NRXN1: variants seen among roughly 807,000 people sequenced by gnomAD.
NRXN1 encodes neurexin 1, also known as neurexin-1.
A neutral mutation model predicts 150.9 loss-of-function variants in NRXN1; 39 were observed. The ratio of observed to expected loss-of-function variants is 0.26; its 90% CI spans 0.20 to 0.34. The LOEUF (loss-of-function observed/expected upper bound fraction) is 0.34. Ranked by LOEUF, NRXN1 falls within the 10% of genes least tolerant of loss-of-function variation. The pLI is 1.00. For missense variants in NRXN1, 1,815 were observed against 1,949.9 expected (o/e 0.93, Z 1.30); for synonymous variants, 924 against 757.0 (o/e 1.22, Z -3.62).
At chr2:50,167,597 GAGGAAAA>G (rs1446899543) in intron 18 of NRXN1, among the ~76,000 whole-genome samples, 2 of 150,690 alleles carry the variant, frequency 1.3e-5, no homozygotes, top group Admixed American at 6.6e-5. Context: ...CCCAATTCAT[GAGGAAAA>G]AGAACAAGTA....
intron 5 of NRXN1, among the ~76,000 whole-genome samples, chr2:50,668,002 T>A (rs1350417284): frequency 6.6e-6 from 1 of 152,052 alleles, no homozygotes; most frequent in Non-Finnish European, 1.5e-5. Flanking sequence ...ACATCACTCA[T>A]CAATGATGGT....
At chr2:50,399,502 A>G (rs1429498523) in intron 17 of NRXN1, among the ~76,000 whole-genome samples, 4 of 151,904 alleles carry the variant, frequency 2.6e-5, no homozygotes, top group African/African-American at 9.7e-5. Flanking sequence ...GTTCAGTTCC[A>G]TGCTTCTTCC....
At chr2:50,106,111 C>A (rs2152717646) in intron 18 of NRXN1, among the ~76,000 whole-genome samples, 1 of 152,026 alleles carries the variant, frequency 6.6e-6, no homozygotes, top group Non-Finnish European at 1.5e-5. Flanking sequence ...TTTCTACTCT[C>A]CTTCCATGTA....
At chr2:51,000,704 A>G (rs1699925559) in intron 2 of NRXN1, among the ~76,000 whole-genome samples, 1 of 151,962 alleles carries the variant, frequency 6.6e-6, no homozygotes, top group Non-Finnish European at 1.5e-5. Context: ...TAATTTCTCA[A>G]TTTCTTTAAT....
chr2:51,004,135 C>T (rs898287977), intron 2 of NRXN1, among the ~76,000 whole-genome samples: 2 of 151,688 alleles, frequency 1.3e-5, no homozygotes, highest in African/African-American at 4.8e-5. Context: ...ACTAACAACC[C>T]CAAGTTTGGG....
chr2:50,151,424 C>G (rs1254441764), intron 18 of NRXN1, among the ~76,000 whole-genome samples: 7 of 151,490 alleles, frequency 4.6e-5, no homozygotes, highest in Non-Finnish European at 8.9e-5. Context: ...CAGTATGCAC[C>G]AGTATAGCAT....
chr2:50,209,632 A>G (rs554485546), intron 18 of NRXN1, among the ~76,000 whole-genome samples: 2 of 152,092 alleles, frequency 1.3e-5, no homozygotes, highest in Non-Finnish European at 2.9e-5. Flanking sequence ...GAGAATTTCT[A>G]TTTGGTTCTG....
chr2:50,513,379 T>C (rs1311876435), intron 12 of NRXN1, among the ~76,000 whole-genome samples: 1 of 152,196 alleles, frequency 6.6e-6, no homozygotes, highest in Non-Finnish European at 1.5e-5. Flanking sequence ...CACTGCAGTC[T>C]AGTTTTTTGA....
chr2:50,549,179 A>G (rs2105323541), intron 9 of NRXN1, among the ~76,000 whole-genome samples: 1 of 152,308 alleles, frequency 6.6e-6, no homozygotes, highest in South Asian at 2.1e-4. Context: ...TTCACCAGCC[A>G]AATCAGAAAT....
intron 17 of NRXN1, among the ~76,000 whole-genome samples, chr2:50,255,930 T>C (rs2152904852): frequency 6.6e-6 from 1 of 152,286 alleles, no homozygotes; most frequent in Admixed American, 6.6e-5. Flanking sequence ...TGACATGACT[T>C]TCTCTTCCTT....
chr2:50,733,415 C>A (rs1574281712), intron 5 of NRXN1, among the ~76,000 whole-genome samples: 1 of 151,902 alleles, frequency 6.6e-6, no homozygotes, highest in East Asian at 1.9e-4. Context: ...TGGGAGAAAA[C>A]AAAAAACAAC....
At chr2:50,648,495 G>T (rs1573957626) in intron 5 of NRXN1, among the ~76,000 whole-genome samples, 1 of 151,940 alleles carries the variant, frequency 6.6e-6, no homozygotes, top group Non-Finnish European at 1.5e-5. Context: ...TCATAGGCTT[G>T]TCTTCTGCAT....
At chr2:50,957,003 T>C (rs1050584711) in intron 2 of NRXN1, among the ~76,000 whole-genome samples, 1 of 151,980 alleles carries the variant, frequency 6.6e-6, no homozygotes, top group Admixed American at 6.6e-5. Context: ...TATGAAGCAA[T>C]AAGGATGCCA....
intron 8 of NRXN1, among the ~76,000 whole-genome samples, chr2:50,583,181 G>T (rs1025153244): frequency 7.9e-5 from 12 of 152,034 alleles, no homozygotes; most frequent in Non-Finnish European, 1.6e-4. Context: ...CTCCCAAGTA[G>T]CTGGGACTAC....
intron 5 of NRXN1, among the ~76,000 whole-genome samples, chr2:50,660,423 T>C (rs1164327661): frequency 6.6e-6 from 1 of 152,040 alleles, no homozygotes; most frequent in East Asian, 1.9e-4. Context: ...CTCCACACTG[T>C]ATATGAATAT....
At chr2:50,589,086 G>T (rs1450802813) in intron 8 of NRXN1, 3 of 152,194 alleles carry the variant, frequency 2.0e-5, no homozygotes, top group Admixed American at 1.3e-4. Flanking sequence ...CAAAATAGGT[G>T]TTGGTACAGG....
At chr2:50,091,659 C>G (rs184138196) in intron 18 of NRXN1, among the ~76,000 whole-genome samples, 165 bp from the exon 19 acceptor site, 1 of 152,208 alleles carries the variant, frequency 6.6e-6, no homozygotes, top group East Asian at 1.9e-4. Context: ...TTCTTGACAT[C>G]TGGGTAAATT....
chr2:50,404,379 T>C (rs1382413567), intron 17 of NRXN1, among the ~76,000 whole-genome samples: 4 of 152,268 alleles, frequency 2.6e-5, no homozygotes, highest in Admixed American at 2.0e-4. Flanking sequence ...CACTGAGGTG[T>C]GTGAACTCTG....
intron 21 of NRXN1, among the ~76,000 whole-genome samples, chr2:49,949,092 C>A (rs746285015): frequency 1.6e-4 from 24 of 151,914 alleles, no homozygotes; most frequent in Admixed American, 3.9e-4. Flanking sequence ...TTAATCCATC[C>A]TTTTCTATAT....
Sources: gnomAD v4.1 joint callset for allele counts (sites outside exome capture counted in the v4.1 genomes callset) on GRCh38, gnomAD v4.1.1 for gene constraint, MANE v1.5 for transcripts, NCBI Gene and HGNC (gene_info 2026-07-23, HGNC 2026-07-21) for gene names.